CNTN4: variants seen among roughly 807,000 people sequenced by gnomAD.
CNTN4 encodes the protein contactin-4.
Under a neutral mutation model 122.5 loss-of-function variants are expected in CNTN4, and 77 were observed. The ratio of observed to expected loss-of-function variants is 0.63; its 90% CI spans 0.52 to 0.76. The LOEUF is 0.76. Among genes scored for constraint, CNTN4 ranks in the 30% least tolerant of loss-of-function variants. The pLI is 0.00. For missense variants in CNTN4, 1,256 were observed against 1,259.1 expected, an observed-to-expected ratio of 1.00 and a Z score of 0.04; for synonymous variants, 512 against 447.0, an observed-to-expected ratio of 1.15 and a Z score of -1.83.
intron 4 of CNTN4, among the ~76,000 whole-genome samples, chr3:2,672,730 C>T (rs1241330930): frequency 6.6e-6 from 1 of 152,160 alleles, no homozygotes; most frequent in Admixed American, 6.5e-5. Context: ...TCCTATTCGG[C>T]CATCTATAAA....
In CNTN4 at chr3:2,625,922, C is replaced by T. The variant is rs574392906; in HGVS notation, c.55+54364C>T. Among the ~76,000 whole-genome samples the T allele has an allele frequency of 2.0e-4, 31 of 152,256 alleles. 2 individuals carry two copies. The South Asian group carries it at 5.8e-3, about 29-fold the overall frequency. ...GTTGTTACATTTGTTCTACCAGTAT[C>T]GAATTGTTCCTGTTCTTTCACATTC... On this transcript the variant is annotated intron_variant, in intron 4 of 24. Transcript: ENST00000418658.
At chr3:2,955,008 G>T (rs2094784217) in intron 13 of CNTN4, among the ~76,000 whole-genome samples, 1 of 152,060 alleles carries the variant, frequency 6.6e-6, no homozygotes, top group Non-Finnish European at 1.5e-5. Flanking sequence ...GGAAGAAATG[G>T]GTGGTGGATA....
At chr3:3,027,351 C>A (rs1208149883) in intron 15 of CNTN4, among the ~76,000 whole-genome samples, 1 of 152,168 alleles carries the variant, frequency 6.6e-6, no homozygotes, top group African/African-American at 2.4e-5. Context: ...TGCCTGGGTT[C>A]ACTAGGGATT....
At chr3:2,202,386 C>G (rs2038141336) in intron 2 of CNTN4, among the ~76,000 whole-genome samples, 1 of 152,152 alleles carries the variant, frequency 6.6e-6, no homozygotes, top group Non-Finnish European at 1.5e-5. Context: ...ATTTCAGCCT[C>G]ATTACTAACT....
chr3:2,833,852 C>T (rs765417364), intron 7 of CNTN4, among the ~76,000 whole-genome samples: 5 of 152,058 alleles, frequency 3.3e-5, no homozygotes, highest in Non-Finnish European at 5.9e-5. Flanking sequence ...TAAATATAAA[C>T]AACTGGGCTG....
At chr3:2,140,346 C>T (rs1433434475) in intron 2 of CNTN4, among the ~76,000 whole-genome samples, 2 of 152,106 alleles carry the variant, frequency 1.3e-5, no homozygotes, top group African/African-American at 4.8e-5. Context: ...CCTCTGTTGC[C>T]CAGATCAGAC....
intron 2 of CNTN4, among the ~76,000 whole-genome samples, chr3:2,139,555 A>T (rs570487930): frequency 9.8e-4 from 150 of 152,342 alleles, no homozygotes; most frequent in African/African-American, 3.5e-3. Flanking sequence ...AATGCAATCA[A>T]ATATTGAAAC....
intron 4 of CNTN4, among the ~76,000 whole-genome samples, chr3:2,710,972 C>T (rs59344433): frequency 0.11 from 16,459 of 152,112 alleles, 1,269 homozygotes; most frequent in East Asian, 0.41. Context: ...AGGGACAATG[C>T]GCATTAAATC....
chr3:2,898,787 G>C (rs2094141816), intron 10 of CNTN4, among the ~76,000 whole-genome samples: 1 of 151,918 alleles, frequency 6.6e-6, no homozygotes, highest in South Asian at 2.1e-4. Context: ...ACATACTTCT[G>C]TGGCTTTTCT....
At position 2,230,040 on chromosome 3, in the gene CNTN4, G is replaced by A. The variant is rs11927313; in HGVS notation, c.-144-109138G>A. Among the ~76,000 whole-genome samples, 962 of 152,230 alleles carry A rather than the reference G, an allele frequency of 6.3e-3. 11 individuals are homozygous for A. The highest frequency in any genetic ancestry group is 0.022 in the African/African-American group (912 of 41,526). On this transcript the variant is annotated intron_variant, in intron 2 of 24. Transcript: ENST00000418658. ...CTCTACTCTGAATGCTGCTACTGTG[G>A]TCATCATTATTAAGCTTTATTAGAG...
intron 3 of CNTN4, among the ~76,000 whole-genome samples, chr3:2,425,616 T>G (rs2047796656): frequency 6.6e-6 from 1 of 152,300 alleles, no homozygotes; most frequent in African/African-American, 2.4e-5. Context: ...AGAAAGTCAT[T>G]GGTAGCTTGA....
chr3:2,489,522 C>G (rs1318936208), intron 3 of CNTN4, among the ~76,000 whole-genome samples: 3 of 152,118 alleles, frequency 2.0e-5, no homozygotes, highest in African/African-American at 4.8e-5. Flanking sequence ...GAAGGTATTT[C>G]TTAGTTTCCA....
At chr3:2,229,305 C>G (rs1032120793) in intron 2 of CNTN4, among the ~76,000 whole-genome samples, 1 of 152,040 alleles carries the variant, frequency 6.6e-6, no homozygotes, top group African/African-American at 2.4e-5. Context: ...AAAGGAGGTC[C>G]AATATATAAT....
At chr3:2,655,996 T>G (rs1281489070) in intron 4 of CNTN4, among the ~76,000 whole-genome samples, 1 of 152,180 alleles carries the variant, frequency 6.6e-6, no homozygotes, top group East Asian at 1.9e-4. Flanking sequence ...TTTCTGATAA[T>G]TAGAGATATC....
chr3:2,768,680 G>A (rs1315288417), intron 6 of CNTN4, among the ~76,000 whole-genome samples: 1 of 152,144 alleles, frequency 6.6e-6, no homozygotes, highest in African/African-American at 2.4e-5. Flanking sequence ...GGTCCTCTGT[G>A]TCTACTGCTT....
At chr3:2,793,016 T>C (rs192668147) in intron 6 of CNTN4, among the ~76,000 whole-genome samples, 1 of 152,334 alleles carries the variant, frequency 6.6e-6, no homozygotes, top group East Asian at 1.9e-4. Flanking sequence ...GAAGTATTAT[T>C]GTTTCCATTA....
At chr3:2,745,807 A>G (rs2089719103) in intron 6 of CNTN4, 110 bp downstream of exon 6, 6 of 950,446 alleles carry the variant, frequency 6.3e-6, no homozygotes, top group African/African-American at 3.3e-5. Context: ...AATTGGTTAC[A>G]TGATCATCTT....
intron 6 of CNTN4, among the ~76,000 whole-genome samples, chr3:2,746,043 C>G (rs2089739155): frequency 6.6e-6 from 1 of 152,128 alleles, no homozygotes; most frequent in Non-Finnish European, 1.5e-5. Flanking sequence ...CACACACACA[C>G]ATTTTAAATA....
At chr3:2,572,343 G>A (rs1250021520) in intron 4 of CNTN4, among the ~76,000 whole-genome samples, 1 of 152,152 alleles carries the variant, frequency 6.6e-6, no homozygotes, top group East Asian at 1.9e-4. Flanking sequence ...CCGAGATCGC[G>A]CCATTGCACT....
Sources: allele counts gnomAD v4.1 joint callset (sites outside exome capture counted in the v4.1 genomes callset), GRCh38; gene constraint gnomAD v4.1.1; transcripts MANE v1.5; gene names NCBI Gene and HGNC (gene_info 2026-07-23, HGNC 2026-07-21).